The following SGCD variants were observed in gnomAD, a reference collection of about 807,000 sequenced individuals.
SGCD encodes sarcoglycan delta.
Under a neutral mutation model 36.6 loss-of-function variants are expected in SGCD, and 18 were observed. The observed-to-expected ratio is 0.49, with a 90% CI of 0.34 to 0.73. SGCD has a LOEUF of 0.73. Among genes scored for constraint, SGCD ranks in the 30% least tolerant of loss-of-function variants. The pLI is 0.01. For missense variants in SGCD, 387 were observed against 346.7 expected (o/e 1.12, Z -0.92); for synonymous variants, 133 against 130.6 (o/e 1.02, Z -0.12).
chr5:156,756,328 C>T (rs536095503), intron 7 of SGCD, among the ~76,000 whole-genome samples: 12 of 152,330 alleles, frequency 7.9e-5, no homozygotes, highest in Non-Finnish European at 1.5e-4. Flanking sequence ...GAGAAGATCA[C>T]TTGAGCCCAG....
At chr5:156,739,891 G>C (rs920424750) in intron 7 of SGCD, 1 of 152,148 alleles carries the variant, frequency 6.6e-6, no homozygotes, top group African/African-American at 2.4e-5. Context: ...ATACCAGCTA[G>C]AATGCCCAAC....
At chr5:156,127,679 G>T (rs187955871) in intron 3 of SGCD, among the ~76,000 whole-genome samples, 1 of 151,280 alleles carries the variant, frequency 6.6e-6, no homozygotes, top group Non-Finnish European at 1.5e-5. Context: ...CATATATATA[G>T]TCAACTGACT....
chr5:156,684,363 C>A (rs1010281138), intron 7 of SGCD, among the ~76,000 whole-genome samples: 1 of 152,122 alleles, frequency 6.6e-6, no homozygotes, highest in Non-Finnish European at 1.5e-5. Context: ...GTCATGGATG[C>A]TTTTGATGAG....
chr5:156,312,762 A>C (rs1767421090), intron 3 of SGCD, among the ~76,000 whole-genome samples: 1 of 152,178 alleles, frequency 6.6e-6, no homozygotes, highest in Non-Finnish European at 1.5e-5. Flanking sequence ...TAAGTAATAC[A>C]TGAAAAGCAT....
intron 3 of SGCD, among the ~76,000 whole-genome samples, chr5:156,172,199 G>A (rs759546160): frequency 3.3e-5 from 5 of 152,264 alleles, no homozygotes; most frequent in South Asian, 2.1e-4. Flanking sequence ...CAGGAGAATC[G>A]CTTGAACCCG....
intron 3 of SGCD, among the ~76,000 whole-genome samples, chr5:156,307,677 TTAAC>T (rs981750982): frequency 1.3e-4 from 20 of 151,788 alleles, no homozygotes; most frequent in African/African-American, 4.6e-4. Context: ...ATGTTATTCT[TTAAC>T]TATTTTGTTT....
At chr5:156,274,710 A>G (rs1766270931) in intron 3 of SGCD, among the ~76,000 whole-genome samples, 1 of 152,144 alleles carries the variant, frequency 6.6e-6, no homozygotes, top group South Asian at 2.1e-4. Flanking sequence ...AGTAAAATCA[A>G]CAGAGACCAC....
intron 3 of SGCD, among the ~76,000 whole-genome samples, chr5:156,208,667 T>G (rs190776605): frequency 6.6e-6 from 1 of 152,354 alleles, no homozygotes; most frequent in Non-Finnish European, 1.5e-5. Context: ...CTCTACTGAA[T>G]ATGATACTTA....
chr5:156,415,330 AT>A (rs150767725), intron 3 of SGCD, among the ~76,000 whole-genome samples: 1 of 152,150 alleles, frequency 6.6e-6, no homozygotes, highest in Non-Finnish European at 1.5e-5. Context: ...TGTACTCTTC[AT>A]TTTTTTCCCA....
chr5:156,373,163 G>A (rs962469200), intron 3 of SGCD, among the ~76,000 whole-genome samples: 42 of 152,168 alleles, frequency 2.8e-4, no homozygotes, highest in Admixed American at 3.3e-4. Context: ...TAGCATTCAT[G>A]TCTTTTAGAT....
At position 155,952,330 on chromosome 5, in the gene SGCD, A is replaced by G. The variant is rs1287773962; in HGVS notation, c.-282+81906A>G. ...CATGCATTATACTGCGTCAAAGTGG[A>G]TGTTTTCCTGCTCCTGAGGAATTTT... is the stretch of plus-strand genomic sequence containing the variant. On this transcript the variant is annotated intron_variant, in intron 1 of 9. Transcript: ENST00000517913. Among the ~76,000 whole-genome samples, 3 of 151,976 alleles carry G rather than the reference A, an allele frequency of 2.0e-5. No individual in the cohort carries two copies. In the East Asian group the frequency reaches 5.8e-4, roughly 29 times the overall value.
At chr5:156,539,065 C>T (rs1044845795) in intron 4 of SGCD, among the ~76,000 whole-genome samples, 2 of 151,832 alleles carry the variant, frequency 1.3e-5, no homozygotes, top group African/African-American at 4.8e-5. Flanking sequence ...CCCTGGGGTC[C>T]TTCTAAAATC....
chr5:156,400,237 C>A (rs1342756976), intron 3 of SGCD, among the ~76,000 whole-genome samples: 3 of 152,180 alleles, frequency 2.0e-5, no homozygotes, highest in African/African-American at 7.2e-5. Context: ...TGCATTTTAA[C>A]AAGTTCCCAA....
At chr5:155,730,273 T>A in the SGCD span, among the ~76,000 whole-genome samples, 2 of 152,168 alleles carry the variant, frequency 1.3e-5, no homozygotes, top group African/African-American at 4.8e-5. Flanking sequence ...CTGTGGCCCC[T>A]CCAAAGCAGC....
intron 4 of SGCD, among the ~76,000 whole-genome samples, chr5:156,514,263 A>G (rs1428529042): frequency 1.3e-5 from 2 of 152,220 alleles, no homozygotes; most frequent in East Asian, 1.9e-4. Flanking sequence ...CTAGGATTAG[A>G]TTATGCTTTT....
chr5:156,673,873 T>C (rs1332310531), intron 7 of SGCD, among the ~76,000 whole-genome samples: 1 of 152,220 alleles, frequency 6.6e-6, no homozygotes, highest in Non-Finnish European at 1.5e-5. Context: ...GTTTAGAAGC[T>C]AATAAGTTAT....
chr5:156,033,163 CT>C (rs1301320229), intron 1 of SGCD, among the ~76,000 whole-genome samples: 2 of 151,962 alleles, frequency 1.3e-5, no homozygotes, highest in Admixed American at 1.3e-4. Context: ...TTCTGTGGTA[CT>C]TGTTGAGATC....
At chr5:156,376,035 A>G (rs778878949) in intron 3 of SGCD, among the ~76,000 whole-genome samples, 1 of 152,222 alleles carries the variant, frequency 6.6e-6, no homozygotes, top group Non-Finnish European at 1.5e-5. Flanking sequence ...CAGTGACTTC[A>G]TATCAGTGCT....
intron 1 of SGCD, among the ~76,000 whole-genome samples, chr5:156,329,318 TGGACTG>T (rs1388033583): frequency 6.6e-6 from 1 of 152,164 alleles, no homozygotes; most frequent in Non-Finnish European, 1.5e-5. Flanking sequence ...ACTGATTTGT[TGGACTG>T]GAGGTGTGCA....
Sources: gnomAD v4.1 joint callset for allele counts (sites outside exome capture counted in the v4.1 genomes callset) on GRCh38, gnomAD v4.1.1 for gene constraint, MANE v1.5 for transcripts, NCBI Gene and HGNC (gene_info 2026-07-23, HGNC 2026-07-21) for gene names.